Variants in CTNNBL1 observed in about 807,000 individuals in gnomAD.
The protein encoded by CTNNBL1 is catenin beta like 1.
Under a neutral mutation model 72.7 loss-of-function variants are expected in CTNNBL1, and 31 were observed. The ratio of observed to expected loss-of-function variants is 0.43; its 90% confidence interval spans 0.32 to 0.58. CTNNBL1 has a LOEUF of 0.58. Among genes scored for constraint, CTNNBL1 ranks in the 20% least tolerant of loss-of-function variants. CTNNBL1 has a pLI of 0.08. For synonymous variants in CTNNBL1, 240 were observed against 267.3 expected, an observed-to-expected ratio of 0.90 and a Z score of 1.00; for missense variants, 534 against 725.1, an observed-to-expected ratio of 0.74 and a Z score of 3.03.
At chr20:37,784,002 A>G (rs1287948252) in intron 10 of CTNNBL1, among the ~76,000 whole-genome samples, 1 of 152,072 alleles carries the variant, frequency 6.6e-6, no homozygotes, top group African/African-American at 2.4e-5. Flanking sequence ...AGCTCTAATA[A>G]TATTTGCTTT....
chr20:37,806,509 A>G (rs1202741440), intron 11 of CTNNBL1, among the ~76,000 whole-genome samples: 1 of 152,222 alleles, frequency 6.6e-6, no homozygotes, highest in Non-Finnish European at 1.5e-5. Context: ...TAGGCCTCAC[A>G]AGGTCTGTAT....
intron 11 of CTNNBL1, among the ~76,000 whole-genome samples, chr20:37,827,671 C>T (rs144735783): frequency 1.8e-3 from 274 of 152,266 alleles, no homozygotes; most frequent in African/African-American, 6.2e-3. Context: ...TAGATATACC[C>T]GGGTGCAGGA....
At position 37,804,812 on chromosome 20, in the gene CTNNBL1, T is replaced by TG. The variant is rs1237029686; in HGVS notation, c.1213+1765dup. Reference sequence around the variant, plus strand: ...ATTCAGTGAGCAGCTGCTTTTCTTCTGAAAAATGTGCCCGGTGGCGTGCTG... The same window carrying TG: ...ATTCAGTGAGCAGCTGCTTTTCTTCTGGAAAAATGTGCCCGGTGGCGTGCTG... On this transcript the variant is annotated intron_variant, in intron 11 of 15. Transcript: ENST00000361383. Among the ~76,000 whole-genome samples the TG allele has an allele frequency of 5.9e-5, 9 of 152,352 alleles. 1 individual carries two copies. The highest frequency in any genetic ancestry group is 2.2e-4 in the African/African-American group (9 of 41,572).
At chr20:37,702,417 A>G (rs2072852394) in intron 1 of CTNNBL1, among the ~76,000 whole-genome samples, 1 of 152,158 alleles carries the variant, frequency 6.6e-6, no homozygotes, top group African/African-American at 2.4e-5. Context: ...AACATTACTG[A>G]AAATCTGAAA....
At chr20:37,701,636 C>T (rs1174363875) in intron 1 of CTNNBL1, among the ~76,000 whole-genome samples, 1 of 152,134 alleles carries the variant, frequency 6.6e-6, no homozygotes, top group African/African-American at 2.4e-5. Context: ...GGTAGGGATT[C>T]TGTGGGTGGT....
intron 11 of CTNNBL1, among the ~76,000 whole-genome samples, chr20:37,807,404 G>A (rs2071969211): frequency 6.6e-6 from 1 of 152,152 alleles, no homozygotes; most frequent in East Asian, 1.9e-4. Context: ...CTGTGGGAGG[G>A]CCAGGAGAGG....
chr20:37,838,883 A>G (rs1364274950), intron 11 of CTNNBL1, among the ~76,000 whole-genome samples: 1 of 152,158 alleles, frequency 6.6e-6, no homozygotes, highest in East Asian at 1.9e-4. Flanking sequence ...TCTGTCTCAA[A>G]ATAAAAATTA....
chr20:37,701,846 A>G (rs1248306220), intron 1 of CTNNBL1, among the ~76,000 whole-genome samples: 1 of 150,586 alleles, frequency 6.6e-6, no homozygotes, highest in Non-Finnish European at 1.5e-5. Context: ...GGCGTAATAC[A>G]TCGTACGCTC....
chr20:37,847,449 C>T (rs966731751), intron 13 of CTNNBL1, among the ~76,000 whole-genome samples: 2 of 152,030 alleles, frequency 1.3e-5, no homozygotes, highest in Admixed American at 6.5e-5. Flanking sequence ...TTCTTGAGAC[C>T]CATCTAGTGA....
intron 3 of CTNNBL1, among the ~76,000 whole-genome samples, chr20:37,738,492 C>T (rs1292299040): frequency 1.3e-5 from 2 of 151,948 alleles, no homozygotes; most frequent in Non-Finnish European, 2.9e-5. Context: ...CACATTTATA[C>T]GATTTTAATG....
chr20:37,851,291 A>G (rs1288918642), intron 13 of CTNNBL1, among the ~76,000 whole-genome samples: 1 of 152,166 alleles, frequency 6.6e-6, no homozygotes, highest in African/African-American at 2.4e-5. Flanking sequence ...GAATGAACAA[A>G]ACAAAACCTA....
intron 2 of CTNNBL1, among the ~76,000 whole-genome samples, chr20:37,736,404 T>C (rs1253813476): frequency 6.6e-6 from 1 of 152,216 alleles, no homozygotes; most frequent in African/African-American, 2.4e-5. Flanking sequence ...ACAATTCTTT[T>C]AAACCTGTCA....
intron 13 of CTNNBL1, among the ~76,000 whole-genome samples, chr20:37,851,360 G>A (rs2072395733): frequency 2.0e-5 from 3 of 150,440 alleles, no homozygotes; most frequent in East Asian, 3.9e-4. Context: ...TGTGGAATTT[G>A]CTGATGTAGC....
rs541350995 is a variant in CTNNBL1 at position 37,772,467 on chromosome 20, A to G, written c.750+4423A>G. Among the ~76,000 whole-genome samples, 16 of 152,002 alleles carry G rather than the reference A, an allele frequency of 1.1e-4. No homozygotes were observed. In the South Asian group the frequency reaches 3.3e-3, roughly 32 times the overall value. ...GGGTTCACGCCATTCTCCTGCCTCA[A>G]CCTCCTGAGTAGCTAGGACTACAGG... On this transcript the variant is annotated intron_variant, in intron 7 of 15. Transcript: ENST00000361383.
intron 13 of CTNNBL1, among the ~76,000 whole-genome samples, chr20:37,848,455 C>T (rs2072365877): frequency 6.6e-6 from 1 of 152,142 alleles, no homozygotes; most frequent in Admixed American, 6.5e-5. Context: ...TGCGCCTAGC[C>T]TAGGCTCTTC....
At chr20:37,700,226 A>C (rs1191905306) in intron 1 of CTNNBL1, among the ~76,000 whole-genome samples, 1 of 152,158 alleles carries the variant, frequency 6.6e-6, no homozygotes, top group Non-Finnish European at 1.5e-5. Flanking sequence ...TAAAATGAGG[A>C]GACTGAGCGA....
intron 7 of CTNNBL1, 118 bp downstream of exon 7, chr20:37,768,162 T>G: frequency 1.4e-6 from 1 of 737,568 alleles, no homozygotes; most frequent in Non-Finnish European, 2.3e-6. Context: ...GGGAAGCTTC[T>G]GGTACCTCTT....
At chr20:37,702,065 G>A (rs1185505195) in intron 1 of CTNNBL1, among the ~76,000 whole-genome samples, 1 of 152,142 alleles carries the variant, frequency 6.6e-6, no homozygotes, top group Admixed American at 6.5e-5. Context: ...TTAAAAAATA[G>A]AATCAGGGCC....
At chr20:37,866,325 G>C (rs2072536521) in intron 15 of CTNNBL1, among the ~76,000 whole-genome samples, 1 of 152,216 alleles carries the variant, frequency 6.6e-6, no homozygotes, top group South Asian at 2.1e-4. Flanking sequence ...GGGGTCGGGG[G>C]GAACCACTCT....
Sources: gnomAD v4.1 joint callset for allele counts (sites outside exome capture counted in the v4.1 genomes callset) on GRCh38, gnomAD v4.1.1 for gene constraint, MANE v1.5 for transcripts, NCBI Gene and HGNC (gene_info 2026-07-23, HGNC 2026-07-21) for gene names.